Variants in PTPRA observed in about 807,000 individuals in gnomAD.
PTPRA encodes the protein protein tyrosine phosphatase receptor type A.
A neutral mutation model predicts 104.8 loss-of-function variants in PTPRA; 25 were observed. The observed-to-expected ratio is 0.24, with a 90% CI of 0.17 to 0.33. The LOEUF is 0.33. Ranked by LOEUF, PTPRA falls within the 10% of genes least tolerant of loss-of-function variation. The pLI is 1.00. For synonymous variants in PTPRA, 323 were observed against 368.9 expected (o/e 0.88, Z 1.43); for missense variants, 765 against 1,015.3 (o/e 0.75, Z 3.35).
rs1483068558 is a variant in PTPRA, at chr20:3,017,865, A to G, written c.993A>G (p.Gln331=). The G allele has an allele frequency of 3.7e-6, 6 of 1,614,238 alleles. No individual in the cohort carries two copies. Among genetic ancestry groups the G allele is most frequent in the South Asian group, 1.1e-5 (1 of 91,088 alleles). ...ATTTCTGGCGGATGATCTGGGAACA[A>G]AACACAGCCACCATCGTCATGGTTA... ...VNDFWRMIWE[Q]NTATIVMVTN... Residue 331 remains glutamine, a synonymous_variant, in exon 13 of 24, where the codon CAA becomes CAG. Coordinates refer to ENST00000399903, the MANE Select transcript of PTPRA (RefSeq NM_001385305.1).
At chr20:2,994,204 A>G (rs1053550829) in intron 9 of PTPRA, among the ~76,000 whole-genome samples, 5 of 152,160 alleles carry the variant, frequency 3.3e-5, no homozygotes, top group Non-Finnish European at 1.5e-5. Flanking sequence ...GGTTTATAAT[A>G]TATGTGTGTT....
At chr20:2,929,189 C>T (rs932956845) in intron 2 of PTPRA, among the ~76,000 whole-genome samples, 13 of 151,906 alleles carry the variant, frequency 8.6e-5, no homozygotes, top group South Asian at 6.3e-4. Context: ...TAGGCTCAAG[C>T]GATCCACCTG....
chr20:3,032,549 C>CCT lies in PTPRA; in HGVS notation c.1921-3036_1921-3035insCT, dbSNP rs1254401393. Among the ~76,000 whole-genome samples, 883 of 150,926 alleles carry CCT rather than the reference C, an allele frequency of 5.9e-3. 9 individuals carry two copies. Among genetic ancestry groups the CCT allele is most frequent in the Non-Finnish European group, 6.9e-3 (462 of 67,024 alleles). ...TTGGGAGGCCAAGGTGGGCGGATCA[C>CCT]AAAGTCAGGAGATCGAGACCAGCCT... On this transcript the variant is annotated intron_variant, in intron 20 of 23. Transcript: ENST00000399903.
intron 22 of PTPRA, 77 bp downstream of exon 22, chr20:3,036,018 A>T: frequency 6.3e-7 from 1 of 1,597,898 alleles, no homozygotes; most frequent in Non-Finnish European, 8.5e-7. Context: ...ACCATGGGTC[A>T]GACTGAAGAA....
chr20:3,005,716 GTCCTGGAGAACAGC>G (rs1325409105), intron 10 of PTPRA, among the ~76,000 whole-genome samples: 5 of 152,156 alleles, frequency 3.3e-5, no homozygotes, highest in Non-Finnish European at 7.3e-5. Flanking sequence ...TTTCTAGGAG[GTCCTGGAGAACAGC>G]TTCACTAGGA....
intron 3 of PTPRA, chr20:2,955,756 A>C: frequency 1.2e-5 from 10 of 811,728 alleles, no homozygotes; most frequent in Non-Finnish European, 1.3e-5. Flanking sequence ...TGTGTTTCTC[A>C]GATGTCTGCT....
chr20:2,927,014 C>A (rs1319736550), intron 2 of PTPRA, among the ~76,000 whole-genome samples: 1 of 151,936 alleles, frequency 6.6e-6, no homozygotes, highest in Non-Finnish European at 1.5e-5. Flanking sequence ...TGGTCTCAAA[C>A]TTCTGGCCTC....
At chr20:2,917,204 G>T (rs528059776) in intron 1 of PTPRA, among the ~76,000 whole-genome samples, 1 of 151,532 alleles carries the variant, frequency 6.6e-6, no homozygotes, top group African/African-American at 2.4e-5. Flanking sequence ...GTGATCCGCC[G>T]GCCTCGGCCT....
At chr20:2,929,869 T>C (rs2060445854) in intron 2 of PTPRA, among the ~76,000 whole-genome samples, 1 of 152,102 alleles carries the variant, frequency 6.6e-6, no homozygotes, top group Non-Finnish European at 1.5e-5. Context: ...AAAAGAGGTC[T>C]TTAGGGTGGG....
chr20:2,889,894 C>CT (rs985140821), intron 1 of PTPRA, among the ~76,000 whole-genome samples: 1 of 151,788 alleles, frequency 6.6e-6, no homozygotes, highest in African/African-American at 2.4e-5. Context: ...CCCCCCATAC[C>CT]TTTTTTTGAG....
chr20:2,960,078 G>A (rs891293638), intron 3 of PTPRA, among the ~76,000 whole-genome samples: 12 of 152,114 alleles, frequency 7.9e-5, no homozygotes, highest in African/African-American at 2.9e-4. Context: ...GACCAACATT[G>A]ACTCCTCATT....
At chr20:2,901,890 CT>C (rs766887157) in intron 1 of PTPRA, among the ~76,000 whole-genome samples, 233 of 142,536 alleles carry the variant, frequency 1.6e-3, no homozygotes, top group Admixed American at 1.8e-3. Flanking sequence ...GTGATTTTTT[CT>C]TTTTTTTTTT....
intron 2 of PTPRA, among the ~76,000 whole-genome samples, chr20:2,924,921 C>T (rs1370833914): frequency 6.6e-6 from 1 of 152,104 alleles, no homozygotes; most frequent in African/African-American, 2.4e-5. Context: ...CCTCATGATC[C>T]GCCTGCCTCT....
intron 3 of PTPRA, among the ~76,000 whole-genome samples, chr20:2,957,189 G>A (rs962072843): frequency 6.6e-6 from 1 of 152,202 alleles, no homozygotes; most frequent in African/African-American, 2.4e-5. Context: ...GAAGGCTGAG[G>A]CAGGAGAATG....
intron 3 of PTPRA, among the ~76,000 whole-genome samples, chr20:2,961,313 G>T (rs1368836585): frequency 6.6e-6 from 1 of 152,084 alleles, no homozygotes; most frequent in Non-Finnish European, 1.5e-5. Flanking sequence ...AAATGTTTTG[G>T]ATTTTAAAAC....
chr20:2,874,102 T>TA (rs199881642), intron 1 of PTPRA, among the ~76,000 whole-genome samples: 2,041 of 152,300 alleles, frequency 0.013, 59 homozygotes, highest in Admixed American at 0.066. Context: ...CAGGTCCATT[T>TA]AATGGGAGGA....
At chr20:2,908,651 T>C (rs2059514181) in intron 1 of PTPRA, among the ~76,000 whole-genome samples, 1 of 152,010 alleles carries the variant, frequency 6.6e-6, no homozygotes, top group Non-Finnish European at 1.5e-5. Flanking sequence ...CCAGCACTTT[T>C]GGAGGCCAGG....
chr20:2,964,944 A>G lies in PTPRA; in HGVS notation c.157A>G (p.Thr53Ala), dbSNP rs762665251. The change falls in exon 5 of 24, where the codon ACT (threonine) becomes GCT (alanine). Residue 53 changes from threonine to alanine, a missense_variant. By Grantham distance (58) the Thr-to-Ala change is moderately conservative (BLOSUM62 0). This residue lies in a region of PTPRA where 256 missense variants were observed against 248.9 expected (regional missense o/e 1.03). Transcript: ENST00000399903. Reference protein sequence around the residue: ...VKEEAKTSNPTSSLTSLSVAP... With the variant: ...VKEEAKTSNPASSLTSLSVAP... ...AGAAGAGGCCAAAACTTCAAATCCA[A>G]CTTCTTCACTAACTTCTCTTTCTGT... is the stretch of plus-strand genomic sequence containing the variant. 13 of 1,613,832 alleles carry G rather than the reference A, an allele frequency of 8.1e-6. No homozygotes were observed. In the East Asian group the frequency reaches 1.8e-4, roughly 22 times the overall value.
the PTPRA span, chr20:2,864,722 C>A: frequency 6.5e-7 from 1 of 1,536,360 alleles, no homozygotes; most frequent in Non-Finnish European, 8.9e-7. The surrounding 1 kb of genome is among the most constrained non-coding windows in gnomAD (Gnocchi z 5.2). Context: ...CCGGTTCCTT[C>A]AGGAATCTAG....
Sources: allele counts gnomAD v4.1 joint callset (sites outside exome capture counted in the v4.1 genomes callset), GRCh38; gene constraint gnomAD v4.1.1; regional missense constraint gnomAD v4.1.1; non-coding constraint Gnocchi (gnomAD v3.1); transcripts MANE v1.5; gene names NCBI Gene and HGNC (gene_info 2026-07-23, HGNC 2026-07-21).